MS4A18: variants seen among roughly 807,000 people sequenced by gnomAD.
The protein encoded by MS4A18 is membrane spanning 4-domains A18.
Under a neutral mutation model 13.1 loss-of-function variants are expected in MS4A18, and 27 were observed. The ratio of observed to expected loss-of-function variants is 2.06; its 90% CI spans 1.52 to 2.84. The LOEUF is 2.84. Ranked by LOEUF, MS4A18 falls within the 30% of genes most tolerant of loss-of-function variation. MS4A18 has a pLI of 0.00. For synonymous variants in MS4A18, 126 were observed against 76.5 expected (o/e 1.65, Z -3.38); for missense variants, 307 against 196.4 (o/e 1.56, Z -3.37).
At position 60,743,806 on chromosome 11, in the gene MS4A18, A is replaced by C. The variant is rs1184170093; in HGVS notation, c.1015A>C (p.Thr339Pro). 4.3e-6 allele frequency: 3 copies of C among 699,622 alleles called. No homozygotes were observed. In the Admixed American group the frequency reaches 6.0e-5, roughly 14 times the overall value. The allele number at this position is 699,622 out of a possible 1,614,324, so 43.3% of individuals were successfully genotyped here. Residue 339 changes from threonine (T) to proline (P), a missense_variant, in exon 6 of 6, where the codon ACC becomes CCC. Thr to Pro is a conservative substitution (Grantham distance 38). Transcript: ENST00000529108. ...TACCATTCACCCTGTCAACACCACC[A>C]CCAGCCCTGTCAACACCACCACCAG...
chr11:60,729,241 G>T, upstream of MS4A18: 1 of 642,710 alleles, frequency 1.6e-6, no homozygotes, highest in South Asian at 1.8e-5. Context: ...AGATAAGAAT[G>T]AGATAAGATG....
chr11:60,727,764 A>G (rs1242599340), upstream of MS4A18, among the ~76,000 whole-genome samples: 6 of 152,214 alleles, frequency 3.9e-5, no homozygotes, highest in Non-Finnish European at 2.9e-5. Context: ...TAGTAACATT[A>G]TCTCTCATCT....
intron 2 of MS4A18, among the ~76,000 whole-genome samples, chr11:60,736,043 G>T (rs775641167): frequency 2.6e-5 from 4 of 152,038 alleles, no homozygotes; most frequent in Non-Finnish European, 4.4e-5. Flanking sequence ...GTTTACAAAC[G>T]CATATACATG....
At position 60,743,634 on chromosome 11, in the gene MS4A18, G is replaced by A. The variant is rs756683916; in HGVS notation, c.859-16G>A. On this transcript the variant is annotated splice_polypyrimidine_tract_variant and intron_variant, in intron 5 of 5. Transcript: ENST00000529108. ...CTACAGAGGAAGATGACGACCACAT[G>A]TCCTTTGTCTTTCAGAATGTGGCAG... 4.3e-6 allele frequency: 3 copies of A among 700,820 alleles called. No individual in the cohort carries two copies. The highest frequency in any genetic ancestry group is 3.0e-5 in the South Asian group (2 of 67,254). The allele number at this position is 700,820 out of a possible 1,614,324, so 43.4% of individuals were successfully genotyped here.
downstream of MS4A18, chr11:60,744,274 T>A (rs186301202): frequency 4.9e-5 from 19 of 389,418 alleles, no homozygotes; most frequent in East Asian, 1.0e-3. Context: ...TGGTTCCTGA[T>A]GTATGCTCAC....
chr11:60,741,917 A>G (rs934566936), intron 5 of MS4A18, among the ~76,000 whole-genome samples: 2 of 152,196 alleles, frequency 1.3e-5, no homozygotes, highest in African/African-American at 4.8e-5. Flanking sequence ...CATGAACTAA[A>G]AGAAAGTTCT....
At chr11:60,733,095 C>T (rs901544594) in intron 1 of MS4A18, among the ~76,000 whole-genome samples, 2 of 152,194 alleles carry the variant, frequency 1.3e-5, no homozygotes, top group Non-Finnish European at 2.9e-5. Flanking sequence ...TAGGATTTGA[C>T]ATTTTTGGTT....
intron 3 of MS4A18, among the ~76,000 whole-genome samples, chr11:60,738,315 C>G (rs1017765310): frequency 3.3e-5 from 5 of 152,232 alleles, no homozygotes; most frequent in African/African-American, 1.2e-4. Context: ...TGAAAACCTT[C>G]CCCAGCCAAT....
chr11:60,732,413 G>A (rs1853267406), intron 1 of MS4A18, among the ~76,000 whole-genome samples: 1 of 152,040 alleles, frequency 6.6e-6, no homozygotes, highest in Admixed American at 6.5e-5. Flanking sequence ...GATGAATGGA[G>A]TCAGCAGAGG....
chr11:60,734,419 T>C (rs1853305633), intron 2 of MS4A18, among the ~76,000 whole-genome samples: 1 of 152,182 alleles, frequency 6.6e-6, no homozygotes, highest in Non-Finnish European at 1.5e-5. Flanking sequence ...GTTGGCCATG[T>C]TGGGTATACA....
rs199612184 is a variant in MS4A18 at position 60,736,266 on chromosome 11, C to T, written c.592-712C>T. 3.3e-5 allele frequency among the ~76,000 whole-genome samples: 5 copies of T among 151,132 alleles called. No homozygotes were observed. In the South Asian group the frequency reaches 1.0e-3, roughly 32 times the overall value. ...GAGGGCTGGAATCATTATGTATGCC[C>T]ATTTGCCAGATGAAGAGACTGAAGC... On this transcript the variant is annotated intron_variant, in intron 2 of 5. Coordinates refer to ENST00000529108, the Ensembl canonical transcript of MS4A18.
intron 4 of MS4A18, among the ~76,000 whole-genome samples, chr11:60,740,583 T>G (rs2134681582): frequency 6.6e-6 from 1 of 152,328 alleles, no homozygotes; most frequent in East Asian, 1.9e-4. Flanking sequence ...CCAGTGCACT[T>G]GTTGAAATGT....
intron 3 of MS4A18, among the ~76,000 whole-genome samples, chr11:60,738,506 C>T (rs1429550544): frequency 6.6e-6 from 1 of 152,162 alleles, no homozygotes; most frequent in Non-Finnish European, 1.5e-5. Context: ...TTTTCCCAAA[C>T]AAATCCAGTC....
At chr11:60,733,077 A>G (rs888881799) in intron 1 of MS4A18, among the ~76,000 whole-genome samples, 1 of 152,214 alleles carries the variant, frequency 6.6e-6, no homozygotes, top group African/African-American at 2.4e-5. Flanking sequence ...TAGGAATGCT[A>G]CGTTTTCTAG....
In MS4A18 at chr11:60,733,463, G is replaced by A; in HGVS notation, c.478-71G>A. 3 of 700,970 alleles carry A rather than the reference G, an allele frequency of 4.3e-6. No individual in the cohort carries two copies. In the Admixed American group the frequency reaches 6.0e-5, roughly 14 times the overall value. The allele number at this position is 700,970 out of a possible 1,614,324, so 43.4% of individuals were successfully genotyped here. On this transcript the variant is annotated intron_variant, in intron 1 of 5. Transcript: ENST00000529108. ...GGGGTGATTCTGGGGCACAGCCAGG[G>A]TGCAAAGCACAGCTCCACAGCCCAC...
At chr11:60,743,673 A>G (rs1484391779) in exon 6 of MS4A18, 2 of 702,926 alleles carry the variant, frequency 2.8e-6, no homozygotes, top group Admixed American at 4.0e-5. Flanking sequence ...TTCCAACCGT[A>G]TTCAGTTTCA....
chr11:60,728,557 C>T (rs1278525207), upstream of MS4A18, among the ~76,000 whole-genome samples: 1 of 150,640 alleles, frequency 6.6e-6, no homozygotes, highest in Admixed American at 6.6e-5. Context: ...CCCTCCTTCC[C>T]TCTCTCTGTG....
intron 5 of MS4A18, among the ~76,000 whole-genome samples, chr11:60,742,018 C>T (rs145402789): frequency 7.8e-4 from 119 of 152,276 alleles, no homozygotes; most frequent in African/African-American, 2.2e-3. Context: ...AGAACAGAAG[C>T]ACAAGATTGT....
chr11:60,739,873 A>G (rs1373476280), intron 4 of MS4A18, among the ~76,000 whole-genome samples: 2 of 152,224 alleles, frequency 1.3e-5, no homozygotes, highest in African/African-American at 4.8e-5. Flanking sequence ...GTTGGCTGCA[A>G]TCTGATCCTC....
Sources: gnomAD v4.1 joint callset for allele counts (sites outside exome capture counted in the v4.1 genomes callset) on GRCh38, gnomAD v4.1.1 for gene constraint, MANE v1.5 for transcripts, NCBI Gene and HGNC (gene_info 2026-07-23, HGNC 2026-07-21) for gene names.